EFCAB7: variants seen among roughly 807,000 people sequenced by gnomAD.
EFCAB7 encodes the protein EF-hand calcium-binding domain-containing protein 7.
In EFCAB7, 66 loss-of-function variants were observed where a neutral mutation model predicts 77.1. The ratio of observed to expected loss-of-function variants is 0.86; its 90% CI spans 0.70 to 1.05. The LOEUF is 1.05. Ranked by LOEUF, EFCAB7 falls within the 50% of genes least tolerant of loss-of-function variation. The pLI, the probability that EFCAB7 is intolerant of heterozygous loss-of-function variation, is 0.00. For synonymous variants in EFCAB7, 225 were observed against 243.3 expected (o/e 0.92, Z 0.70); for missense variants, 638 against 730.5 (o/e 0.87, Z 1.46).
At chr1:63,550,523 C>T (rs1646951929) in intron 7 of EFCAB7, 1 of 151,716 alleles carries the variant, frequency 6.6e-6, no homozygotes, top group South Asian at 2.1e-4. Context: ...TAAATTCTAG[C>T]TTAGTCTACA....
chr1:63,568,169 T>A, intron 11 of EFCAB7, 141 bp from the exon 12 acceptor site: 1 of 625,964 alleles, frequency 1.6e-6, no homozygotes, highest in Non-Finnish European at 2.6e-6. Flanking sequence ...ATTACTCAAT[T>A]CATAGTACTA....
rs1312671235 is a variant in EFCAB7, at chr1:63,568,310, G to C, written c.1498G>C (p.Ala500Pro). 6.3e-7 allele frequency: 1 copy of C among 1,594,568 alleles called. No homozygotes were observed. The highest frequency in any genetic ancestry group is 8.5e-7 in the Non-Finnish European group (1 of 1,173,092). Residue 500 changes from alanine (A) to proline (P), a missense_variant and splice_region_variant, in exon 12 of 14, where the codon GCA becomes CCA. Ala to Pro is a conservative substitution (Grantham distance 27). Coordinates refer to ENST00000371088, the MANE Select transcript of EFCAB7 (RefSeq NM_032437.4). ...GYNKALELTEACPFVIDIYAE... is the reference protein window; with the variant it reads ...GYNKALELTEPCPFVIDIYAE... ...AAACAAGATTTTTTTTTCCTATCAG[G>C]CATGTCCATTTGTCATTGATATCTA...
At chr1:63,578,140 T>G in the EFCAB7 span, among the ~76,000 whole-genome samples, 2 of 152,218 alleles carry the variant, frequency 1.3e-5, no homozygotes, top group Non-Finnish European at 2.9e-5. Context: ...AACCTGATTC[T>G]GTAACTGAAC....
chr1:63,550,285 C>G (rs545750036), intron 7 of EFCAB7: 2 of 152,240 alleles, frequency 1.3e-5, no homozygotes, highest in African/African-American at 4.8e-5. Flanking sequence ...ATCTTATAAT[C>G]TTTGGGAGTG....
Position 63,534,228 on chromosome 1 carries a change from T to A in EFCAB7, c.804+12T>A, listed in dbSNP as rs1646736382. ...CAAATTTAATAAAGGTATAGTATTT[T>A]AAGTTAACAGATGACTTTTTCTGAA... On this transcript the variant is annotated intron_variant, in intron 6 of 13. Transcript: ENST00000371088. The A allele has an allele frequency of 6.2e-7, 1 of 1,606,888 alleles. No homozygotes were observed. Among genetic ancestry groups the A allele is most frequent in the African/African-American group, 1.3e-5 (1 of 74,558 alleles).
At chr1:63,579,169 C>A in the EFCAB7 span, among the ~76,000 whole-genome samples, 8 of 152,084 alleles carry the variant, frequency 5.3e-5, no homozygotes, top group African/African-American at 1.9e-4. Context: ...ACAGAGCAGT[C>A]CCATCACTAA....
intron 2 of EFCAB7, among the ~76,000 whole-genome samples, chr1:63,530,290 A>G (rs572491204): frequency 5.9e-4 from 90 of 152,316 alleles, no homozygotes; most frequent in African/African-American, 2.1e-3. Context: ...GGTGATGCGC[A>G]GATCTTGTGA....
chr1:63,581,084 T>G, the EFCAB7 span, among the ~76,000 whole-genome samples: 1 of 152,298 alleles, frequency 6.6e-6, no homozygotes, highest in African/African-American at 2.4e-5. Context: ...CTTATTGCAT[T>G]GGCTAAGACT....
At chr1:63,556,505 T>C (rs1426831451) in intron 9 of EFCAB7, among the ~76,000 whole-genome samples, 1 of 152,036 alleles carries the variant, frequency 6.6e-6, no homozygotes, top group Non-Finnish European at 1.5e-5. Flanking sequence ...TTTCTCCCTA[T>C]TGGTAGAGAG....
At chr1:63,536,158 A>G (rs959961557) in intron 6 of EFCAB7, among the ~76,000 whole-genome samples, 9 of 152,346 alleles carry the variant, frequency 5.9e-5, no homozygotes, top group Admixed American at 2.0e-4. Context: ...CATACTGTCA[A>G]CTTTTTAATA....
At chr1:63,572,767 C>G, downstream of EFCAB7, 1 of 728,464 alleles carries the variant, frequency 1.4e-6, no homozygotes, top group Non-Finnish European at 1.7e-6. Flanking sequence ...TTTATTTCAC[C>G]TGGGTGCAGG....
intron 4 of EFCAB7, among the ~76,000 whole-genome samples, chr1:63,533,169 A>C (rs2100874158): frequency 6.6e-6 from 1 of 152,272 alleles, no homozygotes; most frequent in East Asian, 1.9e-4. Context: ...TATTTTGAAC[A>C]AATGCAAGCC....
chr1:63,579,825 T>C, the EFCAB7 span, among the ~76,000 whole-genome samples: 1 of 152,232 alleles, frequency 6.6e-6, no homozygotes, highest in Non-Finnish European at 1.5e-5. Flanking sequence ...TTCATAGGCT[T>C]GTCATCTGCA....
At chr1:63,540,045 C>A (rs1402425794) in intron 6 of EFCAB7, among the ~76,000 whole-genome samples, 1 of 152,080 alleles carries the variant, frequency 6.6e-6, no homozygotes, top group Admixed American at 6.6e-5. Flanking sequence ...AAATGAAAGT[C>A]TGTGTATCAT....
chr1:63,570,402 G>A (rs577057517), intron 12 of EFCAB7: 13 of 152,148 alleles, frequency 8.5e-5, no homozygotes, highest in African/African-American at 2.9e-4. Flanking sequence ...ACCCCAGTCC[G>A]AGCTAATGTT....
intron 6 of EFCAB7, among the ~76,000 whole-genome samples, chr1:63,534,592 A>G (rs1646741478): frequency 6.6e-6 from 1 of 152,132 alleles, no homozygotes; most frequent in African/African-American, 2.4e-5. Context: ...TTGCTAAGTC[A>G]ATATTTGTAG....
At position 63,549,047 on chromosome 1, in the gene EFCAB7, C is replaced by T. The variant is rs141932115; in HGVS notation, c.947-2678C>T. 4.4e-3 allele frequency: 1,062 copies of T among 243,394 alleles called. 11 individuals are homozygous for T. The highest frequency in any genetic ancestry group is 0.024 in the African/African-American group (1,026 of 42,902). The allele number at this position is 243,394 out of a possible 1,614,324, so 15.1% of individuals were successfully genotyped here. A position where few individuals can be genotyped will look rare whatever the true frequency, so the allele number is the denominator to read the frequency against. On this transcript the variant is annotated intron_variant, in intron 7 of 13. Coordinates refer to ENST00000371088, the MANE Select transcript of EFCAB7 (RefSeq NM_032437.4). ...CCAAGAGTATAGCGCCACTATGACT[C>T]CGCCGGAAAAATTACTTTAAAAATC...
chr1:63,552,397 C>A (rs899445048), intron 8 of EFCAB7, among the ~76,000 whole-genome samples: 4 of 152,122 alleles, frequency 2.6e-5, no homozygotes, highest in African/African-American at 9.7e-5. Context: ...GATGCCAGTA[C>A]ATTTTTTTTC....
At chr1:63,539,630 A>C (rs112705219) in intron 6 of EFCAB7, among the ~76,000 whole-genome samples, 2 of 152,110 alleles carry the variant, frequency 1.3e-5, no homozygotes, top group African/African-American at 4.8e-5. Flanking sequence ...ATATCACTTT[A>C]TTTTTCAGAC....
Sources: allele counts gnomAD v4.1 joint callset (sites outside exome capture counted in the v4.1 genomes callset), GRCh38; gene constraint gnomAD v4.1.1; transcripts MANE v1.5; gene names NCBI Gene and HGNC (gene_info 2026-07-23, HGNC 2026-07-21).